KLHL1: variants seen among roughly 807,000 people sequenced by gnomAD.
KLHL1 encodes the protein kelch-like protein 1.
KLHL1 carries 47 observed loss-of-function variants against 77.7 expected under a neutral mutation model. The observed-to-expected ratio is 0.60, with a 90% CI of 0.48 to 0.77. The LOEUF (loss-of-function observed/expected upper bound fraction) is 0.77, where lower values mean the gene tolerates loss of function less well. Ranked by LOEUF, KLHL1 falls within the 30% of genes least tolerant of loss-of-function variation. The pLI is 0.00. For missense variants in KLHL1, 925 were observed against 910.8 expected, an observed-to-expected ratio of 1.02 and a Z score of -0.20; for synonymous variants, 360 against 325.2, an observed-to-expected ratio of 1.11 and a Z score of -1.15.
intron 1 of KLHL1, among the ~76,000 whole-genome samples, chr13:70,014,213 G>A (rs1885603008): frequency 6.6e-6 from 1 of 152,020 alleles, no homozygotes; most frequent in African/African-American, 2.4e-5. Flanking sequence ...CAAGAAAAAT[G>A]AGCTGAAATG....
chr13:69,926,562 C>T (rs1882819934), intron 4 of KLHL1, among the ~76,000 whole-genome samples: 1 of 152,030 alleles, frequency 6.6e-6, no homozygotes, highest in Admixed American at 6.6e-5. Flanking sequence ...TATCAAAATC[C>T]TAGCTGGCTA....
At chr13:69,763,219 T>A (rs1875110064) in intron 7 of KLHL1, among the ~76,000 whole-genome samples, 2 of 152,344 alleles carry the variant, frequency 1.3e-5, no homozygotes, top group South Asian at 4.1e-4. Context: ...GATTACTTAC[T>A]GGCTGAATAG....
chr13:69,989,337 C>T (rs988795627), intron 1 of KLHL1, among the ~76,000 whole-genome samples: 8 of 151,890 alleles, frequency 5.3e-5, no homozygotes, highest in Non-Finnish European at 1.2e-4. Context: ...GTACTAGTAT[C>T]ATGTTGTTTT....
rs1222634850 is a variant in KLHL1 at position 70,099,386 on chromosome 13, C to T, written c.497+7817G>A. Among the ~76,000 whole-genome samples the T allele has an allele frequency of 2.0e-5, 3 of 151,782 alleles. No homozygotes were observed. The East Asian group carries it at 5.8e-4, about 29-fold the overall frequency. On this transcript the variant is annotated intron_variant, in intron 1 of 10. Coordinates refer to ENST00000377844, the MANE Select transcript of KLHL1 (RefSeq NM_020866.3). ...AAAAGAAAAAAGTTTCCTATGGTTA[C>T]ACAGTGAAGCCTTCTGTGCAGAGAT... is the stretch of plus-strand genomic sequence containing the variant.
intron 4 of KLHL1, among the ~76,000 whole-genome samples, chr13:69,905,237 A>C (rs1882007445): frequency 1.3e-5 from 2 of 152,122 alleles, no homozygotes; most frequent in African/African-American, 4.8e-5. Context: ...TGTGAAGACC[A>C]CTTGCTTGTA....
chr13:69,742,650 A>G (rs1431179461), intron 7 of KLHL1, among the ~76,000 whole-genome samples: 1 of 152,216 alleles, frequency 6.6e-6, no homozygotes, highest in East Asian at 1.9e-4. Flanking sequence ...CACACATATT[A>G]CACAATTATA....
intron 6 of KLHL1, among the ~76,000 whole-genome samples, chr13:69,822,612 G>T (rs1409940974): frequency 6.6e-6 from 1 of 151,978 alleles, no homozygotes; most frequent in Non-Finnish European, 1.5e-5. Flanking sequence ...TCACTTAAAA[G>T]GTATAGCTCC....
chr13:69,910,212 C>A (rs892913696), intron 4 of KLHL1, among the ~76,000 whole-genome samples: 7 of 151,876 alleles, frequency 4.6e-5, no homozygotes, highest in Non-Finnish European at 1.0e-4. Context: ...ATTCAAAGAT[C>A]CATGACATCA....
chr13:69,892,667 A>C (rs1341137910), intron 4 of KLHL1, among the ~76,000 whole-genome samples: 1 of 152,214 alleles, frequency 6.6e-6, no homozygotes, highest in South Asian at 2.1e-4. Context: ...AGATTTATTT[A>C]GTCTTTTGTC....
chr13:69,735,004 G>A (rs566845077), intron 8 of KLHL1, among the ~76,000 whole-genome samples: 64 of 152,152 alleles, frequency 4.2e-4, no homozygotes, highest in African/African-American at 1.5e-3. Context: ...TTGATGCAAA[G>A]TCATAGCTGG....
At chr13:69,860,369 T>G (rs1170060165) in intron 5 of KLHL1, among the ~76,000 whole-genome samples, 2 of 152,008 alleles carry the variant, frequency 1.3e-5, no homozygotes, top group Non-Finnish European at 2.9e-5. Context: ...GGTAAGATTC[T>G]CAGAAAAAAG....
intron 4 of KLHL1, among the ~76,000 whole-genome samples, chr13:69,885,998 T>C (rs1593917835): frequency 6.6e-6 from 1 of 152,288 alleles, no homozygotes; most frequent in Middle Eastern, 3.4e-3. Context: ...TGTGATGCCA[T>C]AGTTGTCAAT....
chr13:69,998,939 C>A (rs1376173413), intron 1 of KLHL1, among the ~76,000 whole-genome samples: 1 of 151,998 alleles, frequency 6.6e-6, no homozygotes, highest in Non-Finnish European at 1.5e-5. Flanking sequence ...TGACTTCCCA[C>A]ATGACGTCTC....
chr13:69,910,598 T>C (rs1411965559), intron 4 of KLHL1, among the ~76,000 whole-genome samples: 2 of 152,058 alleles, frequency 1.3e-5, no homozygotes, highest in African/African-American at 4.8e-5. Context: ...CTATCAAACA[T>C]AGACTGAGAA....
intron 7 of KLHL1, among the ~76,000 whole-genome samples, chr13:69,761,382 G>A (rs1179493362): frequency 1.3e-5 from 2 of 152,106 alleles, no homozygotes; most frequent in African/African-American, 4.8e-5. Flanking sequence ...ACAAAAATAG[G>A]CTACAGCCTG....
chr13:69,767,641 C>T (rs1293911039), intron 7 of KLHL1, among the ~76,000 whole-genome samples: 5 of 152,030 alleles, frequency 3.3e-5, no homozygotes, highest in African/African-American at 1.2e-4. Flanking sequence ...GATTGATCAC[C>T]CATATGATGA....
chr13:69,928,305 C>T (rs2210450), intron 4 of KLHL1, among the ~76,000 whole-genome samples: 135,137 of 152,216 alleles, frequency 0.89, 60,463 homozygotes, highest in Non-Finnish European at 0.95. Context: ...CTCCACACTT[C>T]AGCCCACTCA....
chr13:69,720,433 T>TATCATTG, intron 8 of KLHL1, among the ~76,000 whole-genome samples: 1 of 152,082 alleles, frequency 6.6e-6, no homozygotes, highest in African/African-American at 2.4e-5. Context: ...TTGTTAAAAC[T>TATCATTG]TTTATTGATA....
chr13:70,067,735 C>T (rs1887043786), intron 1 of KLHL1, among the ~76,000 whole-genome samples: 1 of 152,126 alleles, frequency 6.6e-6, no homozygotes. Context: ...ATGAGACTTT[C>T]TAAGAGCTGC....
Sources: allele counts gnomAD v4.1 joint callset (sites outside exome capture counted in the v4.1 genomes callset), GRCh38; gene constraint gnomAD v4.1.1; transcripts MANE v1.5; gene names NCBI Gene and HGNC (gene_info 2026-07-23, HGNC 2026-07-21).